Variants in JMJD1C observed in about 807,000 individuals in gnomAD.
JMJD1C encodes the protein jumonji domain-containing protein 1C.
JMJD1C carries 31 observed loss-of-function variants against 245.3 expected under a neutral mutation model. The ratio of observed to expected loss-of-function variants is 0.13; its 90% CI spans 0.09 to 0.17. JMJD1C has a LOEUF of 0.17. Ranked by LOEUF, JMJD1C falls within the 10% of genes least tolerant of loss-of-function variation. The pLI, the probability that JMJD1C is intolerant of heterozygous loss-of-function variation, is 1.00. For missense variants in JMJD1C, 2,691 were observed against 3,000.2 expected (o/e 0.90, Z 2.41); for synonymous variants, 1,057 against 1,017.4 (o/e 1.04, Z -0.74).
chr10:63,284,291 G>A (rs917842652), intron 2 of JMJD1C, among the ~76,000 whole-genome samples: 2 of 152,168 alleles, frequency 1.3e-5, no homozygotes, highest in African/African-American at 4.8e-5. Context: ...TTACCAAAGT[G>A]CTGGGATTAC....
chr10:63,429,506 T>C lies in JMJD1C; in HGVS notation c.168+35989A>G, dbSNP rs961088013. On this transcript the variant is annotated intron_variant, in intron 1 of 25. Transcript: ENST00000399262. Reference sequence around the variant, plus strand: ...TAACATGAAGGATGAGAACAAAAACTATTTGGCAAACAGCATTAATGACCA... The same window carrying C: ...TAACATGAAGGATGAGAACAAAAACCATTTGGCAAACAGCATTAATGACCA... Among the ~76,000 whole-genome samples the C allele has an allele frequency of 2.0e-5, 3 of 152,196 alleles. No homozygotes were observed. The East Asian group carries it at 5.8e-4, about 29-fold the overall frequency.
At chr10:63,509,029 G>C (rs1954800043) in intron 1 of JMJD1C, among the ~76,000 whole-genome samples, 2 of 152,222 alleles carry the variant, frequency 1.3e-5, no homozygotes, top group Admixed American at 1.3e-4. Flanking sequence ...AAAGGTTCCA[G>C]TTTCTTAACA....
chr10:63,408,124 C>T (rs1286111275), intron 1 of JMJD1C, among the ~76,000 whole-genome samples: 1 of 152,098 alleles, frequency 6.6e-6, no homozygotes, highest in Non-Finnish European at 1.5e-5. Context: ...ATAAAAATCA[C>T]CTGGTGCAGT....
chr10:63,479,300 T>C, intron 1 of JMJD1C, among the ~76,000 whole-genome samples: 1 of 151,778 alleles, frequency 6.6e-6, no homozygotes, highest in East Asian at 1.9e-4. Flanking sequence ...TGGAATGTTT[T>C]AAAGCAAATC....
intron 2 of JMJD1C, among the ~76,000 whole-genome samples, chr10:63,304,331 C>G (rs1423525786): frequency 6.6e-6 from 1 of 152,074 alleles, no homozygotes; most frequent in Admixed American, 6.6e-5. Flanking sequence ...AAGGCTGTCT[C>G]TACTTTTCAG....
intron 1 of JMJD1C, among the ~76,000 whole-genome samples, chr10:63,417,121 T>G (rs1376570253): frequency 6.6e-6 from 1 of 152,180 alleles, no homozygotes; most frequent in Non-Finnish European, 1.5e-5. Context: ...CGGCACCTAC[T>G]TTGAAAAAAT....
At chr10:63,513,825 A>T (rs112583813) in intron 1 of JMJD1C, among the ~76,000 whole-genome samples, 1 of 152,044 alleles carries the variant, frequency 6.6e-6, no homozygotes, top group African/African-American at 2.4e-5. Context: ...AGGCAGGAGA[A>T]TGGCGTGAAC....
In JMJD1C at chr10:63,257,168, T is replaced by C. The variant is rs915714297; in HGVS notation, c.447+7483A>G. ...GGGAGAATCACTTGAACCAGGGAGA[T>C]GGAGGTTGCAGTGAGCTGAGATCAC... On this transcript the variant is annotated intron_variant, in intron 3 of 25. Transcript: ENST00000399262. 2.2e-5 allele frequency among the ~76,000 whole-genome samples: 3 copies of C among 136,876 alleles called. No individual in the cohort carries two copies. In the Admixed American group the frequency reaches 2.5e-4, roughly 11 times the overall value. 89.8% of individuals were successfully genotyped at this position (136,876 alleles called of 152,430 possible).
chr10:63,259,451 A>C (rs1854416377), intron 3 of JMJD1C, among the ~76,000 whole-genome samples: 1 of 152,178 alleles, frequency 6.6e-6, no homozygotes, highest in Admixed American at 6.5e-5. Context: ...TCTACTCCCT[A>C]AACTACTGCA....
At chr10:63,208,836 C>T in intron 9 of JMJD1C, 35 bp from the exon 10 acceptor site, 5 of 1,494,450 alleles carry the variant, frequency 3.3e-6, no homozygotes, top group Non-Finnish European at 4.5e-6. Flanking sequence ...TCTGTAACCA[C>T]TTTTTCCTGC....
At chr10:63,213,075 A>T (rs1847553323) in intron 8 of JMJD1C, among the ~76,000 whole-genome samples, 2 of 150,906 alleles carry the variant, frequency 1.3e-5, no homozygotes, top group Admixed American at 1.3e-4. Context: ...AATCCCAGCT[A>T]CTCAGGAGGC....
rs149961229 is a variant in JMJD1C, at chr10:63,301,680, G to C, written c.334-36916C>G. The C allele has an allele frequency of 1.1e-3, 457 of 418,866 alleles. 9 individuals carry two copies. The East Asian group carries it at 0.026, about 24-fold the overall frequency. The allele number at this position is 418,866 out of a possible 1,614,324, so 25.9% of individuals were successfully genotyped here. ...GTCCGGGGCCTGACAAGGGGAGAGA[G>C]AGCATTAGGACAAATACCTAATGCA... On this transcript the variant is annotated intron_variant, in intron 2 of 25. Transcript: ENST00000399262.
intron 20 of JMJD1C, among the ~76,000 whole-genome samples, chr10:63,185,122 A>G (rs117014743): frequency 0.013 from 2,020 of 151,996 alleles, 30 homozygotes; most frequent in African/African-American, 0.034. Context: ...GAGGCTACCA[A>G]CTCAGTTTTG....
intron 2 of JMJD1C, among the ~76,000 whole-genome samples, chr10:63,311,884 G>C (rs935815001): frequency 8.3e-6 from 1 of 121,122 alleles, no homozygotes; most frequent in Non-Finnish European, 1.6e-5. Flanking sequence ...AACGCTGCAC[G>C]GTACATAGTT....
intron 2 of JMJD1C, among the ~76,000 whole-genome samples, chr10:63,338,731 C>T (rs1348102555): frequency 6.7e-5 from 10 of 148,220 alleles, no homozygotes; most frequent in South Asian, 4.3e-4. Flanking sequence ...TCACCGCAAC[C>T]TCTGCCTCCT....
chr10:63,314,750 C>T (rs953945786), intron 2 of JMJD1C, among the ~76,000 whole-genome samples: 1 of 151,694 alleles, frequency 6.6e-6, no homozygotes, highest in Non-Finnish European at 1.5e-5. Context: ...TGGGTTCAAG[C>T]GATTCTCCTG....
chr10:63,193,255 A>C lies in JMJD1C; in HGVS notation c.5862+90T>G, dbSNP rs544283286. 4.9e-5 allele frequency: 72 copies of C among 1,468,776 alleles called. 1 individual carries two copies. In the African/African-American group the frequency reaches 9.6e-4, roughly 20 times the overall value. 91.0% of individuals were successfully genotyped at this position (1,468,776 alleles called of 1,614,324 possible). On this transcript the variant is annotated intron_variant, in intron 15 of 25. Transcript: ENST00000399262. ...CAGAAACACAGCAAACCTAATTCATACATAAGTCCTAAACCAAATTTCAAA... is the reference window on the plus strand; with the variant it reads ...CAGAAACACAGCAAACCTAATTCATCCATAAGTCCTAAACCAAATTTCAAA...
At chr10:63,278,560 A>G (rs190830163) in intron 2 of JMJD1C, among the ~76,000 whole-genome samples, 11 of 151,148 alleles carry the variant, frequency 7.3e-5, no homozygotes, top group African/African-American at 2.5e-4. Context: ...CAAACAAACA[A>G]AAAAAAGAGT....
chr10:63,260,222 T>C (rs767756937), intron 3 of JMJD1C, among the ~76,000 whole-genome samples: 13 of 152,242 alleles, frequency 8.5e-5, no homozygotes, highest in Non-Finnish European at 1.2e-4. Flanking sequence ...CTTTGTTTTA[T>C]TTCTTTATTA....
Sources: allele counts gnomAD v4.1 joint callset (sites outside exome capture counted in the v4.1 genomes callset), GRCh38; gene constraint gnomAD v4.1.1; transcripts MANE v1.5; gene names NCBI Gene and HGNC (gene_info 2026-07-23, HGNC 2026-07-21).